F13A1: variants seen among roughly 807,000 people sequenced by gnomAD.
F13A1 encodes coagulation factor XIII A chain.
F13A1 carries 47 observed loss-of-function variants against 80.1 expected under a neutral mutation model. The ratio of observed to expected loss-of-function variants is 0.59; its 90% CI spans 0.46 to 0.75. The LOEUF (loss-of-function observed/expected upper bound fraction) is 0.75. F13A1 is among the 30% of genes least tolerant of loss of function. F13A1 has a pLI of 0.00. For synonymous variants in F13A1, 349 were observed against 344.9 expected (o/e 1.01, Z -0.13); for missense variants, 817 against 930.4 (o/e 0.88, Z 1.59).
chr6:6,289,310 G>A (rs780711496), intron 3 of F13A1, among the ~76,000 whole-genome samples: 10 of 152,166 alleles, frequency 6.6e-5, no homozygotes, highest in South Asian at 2.1e-4. Flanking sequence ...CTTTAATCAC[G>A]TGAGCTGTCA....
At chr6:6,211,593 T>G (rs1188256732) in intron 8 of F13A1, among the ~76,000 whole-genome samples, 1 of 152,230 alleles carries the variant, frequency 6.6e-6, no homozygotes, top group Non-Finnish European at 1.5e-5. Context: ...GAAGATAATT[T>G]TACAATATAA....
intron 13 of F13A1, among the ~76,000 whole-genome samples, chr6:6,166,135 C>A (rs1417575454): frequency 6.6e-6 from 1 of 152,278 alleles, no homozygotes; most frequent in Non-Finnish European, 1.5e-5. Flanking sequence ...CCAGCTCCGC[C>A]ATTTGCTGGC....
Position 6,224,804 on chromosome 6 carries a change from G to A in F13A1, c.855C>T (p.Ala285=), listed in dbSNP as rs772710518. The A allele has an allele frequency of 1.9e-6, 3 of 1,613,996 alleles. No homozygotes were observed. In the African/African-American group the frequency reaches 4.0e-5, roughly 22 times the overall value. ...TCCAGGCCGATGGGGGGACGCCATAGGCATAGATATTGTCCCAGGATCCAA... is the reference window on the plus strand; with the variant it reads ...TCCAGGCCGATGGGGGGACGCCATAAGCATAGATATTGTCCCAGGATCCAA... The part of the protein sequence containing the change: ...VLVGSWDNIY[A]YGVPPSAWTG... The change falls in exon 7 of 15, where the codon GCC becomes GCT. Residue 285 remains alanine, a synonymous_variant. Transcript: ENST00000264870.
chr6:6,188,101 G>C (rs1189005994), intron 10 of F13A1, among the ~76,000 whole-genome samples: 2 of 152,054 alleles, frequency 1.3e-5, no homozygotes, highest in East Asian at 3.9e-4. Context: ...GTGTCTATTT[G>C]ATTCTTCTCT....
At chr6:6,320,419 G>A (rs779971718) in intron 1 of F13A1, among the ~76,000 whole-genome samples, 168 bp downstream of exon 1, 3 of 152,202 alleles carry the variant, frequency 2.0e-5, no homozygotes, top group Non-Finnish European at 4.4e-5. Flanking sequence ...AGCTGGGCTG[G>A]GCAGGTGCGG....
In F13A1 at chr6:6,231,800, G is replaced by A. The variant is rs556707117; in HGVS notation, c.799-6940C>T. ...GCCTCTTCAAACAAAACAATTATCA[G>A]CCAAGAATTTTGTATCCAGCGAAAC... On this transcript the variant is annotated intron_variant, in intron 6 of 14. Coordinates refer to ENST00000264870, the MANE Select transcript of F13A1 (RefSeq NM_000129.4). 2.6e-5 allele frequency among the ~76,000 whole-genome samples: 4 copies of A among 152,234 alleles called. No homozygotes were observed. The East Asian group carries it at 5.8e-4, about 22-fold the overall frequency.
At chr6:6,198,478 C>T (rs756298929) in intron 8 of F13A1, among the ~76,000 whole-genome samples, 2 of 152,174 alleles carry the variant, frequency 1.3e-5, no homozygotes, top group Non-Finnish European at 2.9e-5. Context: ...TCAACTACCA[C>T]GGGTTCCGTG....
chr6:6,245,404 A>G (rs770276662), intron 6 of F13A1, among the ~76,000 whole-genome samples: 5 of 152,080 alleles, frequency 3.3e-5, no homozygotes, highest in African/African-American at 4.8e-5. Flanking sequence ...TTGTATTTTC[A>G]GTAGAGATAG....
At chr6:6,232,511 T>G (rs1757366238) in intron 6 of F13A1, among the ~76,000 whole-genome samples, 1 of 152,162 alleles carries the variant, frequency 6.6e-6, no homozygotes, top group African/African-American at 2.4e-5. Context: ...AGTGGAGGAC[T>G]TCAGTACTCC....
intron 3 of F13A1, 23 bp downstream of exon 3, chr6:6,305,328 T>C (rs1032403452): frequency 6.2e-7 from 1 of 1,613,964 alleles, no homozygotes; most frequent in Non-Finnish European, 8.5e-7. Flanking sequence ...GTGTCAAGAC[T>C]GGAGCTTGCA....
intron 14 of F13A1, among the ~76,000 whole-genome samples, chr6:6,147,335 A>G (rs1760302634): frequency 6.6e-6 from 1 of 152,144 alleles, no homozygotes; most frequent in Non-Finnish European, 1.5e-5. Context: ...GCTTTTTCTG[A>G]CCATTGTGCT....
At chr6:6,263,418 T>C (rs931548009) in intron 4 of F13A1, among the ~76,000 whole-genome samples, 1 of 152,228 alleles carries the variant, frequency 6.6e-6, no homozygotes, top group Non-Finnish European at 1.5e-5. Context: ...AATCTATCAA[T>C]GTGTCTGGCT....
At chr6:6,151,087 C>T (rs971428111) in intron 14 of F13A1, among the ~76,000 whole-genome samples, 3 of 152,142 alleles carry the variant, frequency 2.0e-5, no homozygotes, top group African/African-American at 7.2e-5. Flanking sequence ...AGCTACCTGA[C>T]CATGGAATGG....
At chr6:6,224,976 A>G in intron 6 of F13A1, 116 bp from the exon 7 acceptor site, 3 of 1,075,458 alleles carry the variant, frequency 2.8e-6, no homozygotes, top group Non-Finnish European at 4.2e-6. Context: ...TGCCCAGTGA[A>G]AAGAGTTCCA....
At chr6:6,306,739 T>C (rs879571082) in intron 2 of F13A1, among the ~76,000 whole-genome samples, 2 of 152,264 alleles carry the variant, frequency 1.3e-5, no homozygotes, top group African/African-American at 2.4e-5. Context: ...GCCTGATGCA[T>C]GATTTGCCTT....
intron 3 of F13A1, among the ~76,000 whole-genome samples, chr6:6,290,748 G>T (rs1347207561): frequency 2.6e-5 from 4 of 152,110 alleles, no homozygotes; most frequent in African/African-American, 9.7e-5. Flanking sequence ...AAATAAACAC[G>T]TTGATCATCA....
At chr6:6,307,398 C>T (rs1376227532) in intron 2 of F13A1, among the ~76,000 whole-genome samples, 1 of 152,170 alleles carries the variant, frequency 6.6e-6, no homozygotes, top group Non-Finnish European at 1.5e-5. Flanking sequence ...CTATTCCAAG[C>T]TGCCTTTCTC....
intron 4 of F13A1, among the ~76,000 whole-genome samples, chr6:6,253,264 T>C (rs1757659832): frequency 6.6e-6 from 1 of 152,106 alleles, no homozygotes. Flanking sequence ...GACCCCAATT[T>C]ATAGTTTCCT....
chr6:6,177,410 CATT>C (rs1488785402), intron 11 of F13A1, among the ~76,000 whole-genome samples: 1 of 152,152 alleles, frequency 6.6e-6, no homozygotes, highest in Non-Finnish European at 1.5e-5. Context: ...TACTGTGTGA[CATT>C]ATCTTCCTTG....
Sources: gnomAD v4.1 joint callset for allele counts (sites outside exome capture counted in the v4.1 genomes callset) on GRCh38, gnomAD v4.1.1 for gene constraint, MANE v1.5 for transcripts, NCBI Gene and HGNC (gene_info 2026-07-23, HGNC 2026-07-21) for gene names.